SH3KBP1: variants seen among roughly 807,000 people sequenced by gnomAD.
SH3KBP1 encodes SH3 domain containing kinase binding protein 1, also known as SH3 domain-containing kinase-binding protein 1.
A neutral mutation model predicts 50.1 loss-of-function variants in SH3KBP1; 8 were observed. The observed-to-expected ratio is 0.16, with a 90% CI of 0.09 to 0.29. The LOEUF (loss-of-function observed/expected upper bound fraction) is 0.29, where lower values mean the gene tolerates loss of function less well. SH3KBP1 is among the 10% of genes least tolerant of loss of function. SH3KBP1 has a pLI of 1.00. For synonymous variants in SH3KBP1, 227 were observed against 218.6 expected, an observed-to-expected ratio of 1.04 and a Z score of -0.34; for missense variants, 377 against 535.2, an observed-to-expected ratio of 0.70 and a Z score of 2.92.
chrX:19,879,478 C>T (rs1048441244), intron 1 of SH3KBP1, among the ~76,000 whole-genome samples: 1 of 111,467 alleles, frequency 9.0e-6, no homozygotes, highest in Non-Finnish European at 1.9e-5. Flanking sequence ...CCTTCCAGCA[C>T]TTCAATGCCA....
intron 14 of SH3KBP1, among the ~76,000 whole-genome samples, chrX:19,547,165 A>G (rs2065110502): frequency 9.0e-6 from 1 of 110,517 alleles, no homozygotes; most frequent in Non-Finnish European, 1.9e-5. Context: ...GAAAAAAAAA[A>G]AAAATTCTGG....
At chrX:19,557,835 G>T (rs2065539206) in intron 13 of SH3KBP1, among the ~76,000 whole-genome samples, 1 of 111,888 alleles carries the variant, frequency 8.9e-6, no homozygotes, top group African/African-American at 3.3e-5. Flanking sequence ...ACCCACTGAG[G>T]GAGACAGGCT....
intron 12 of SH3KBP1, among the ~76,000 whole-genome samples, chrX:19,578,658 C>T (rs1351010476): frequency 8.9e-6 from 1 of 111,827 alleles, no homozygotes; most frequent in African/African-American, 3.3e-5. Flanking sequence ...AGTGAGCATC[C>T]GTGTGCACAG....
At chrX:19,863,650 C>T (rs1470545584) in intron 1 of SH3KBP1, among the ~76,000 whole-genome samples, 1 of 111,598 alleles carries the variant, frequency 9.0e-6, no homozygotes, top group Non-Finnish European at 1.9e-5. Flanking sequence ...CCTCCTGGGA[C>T]GGGGTCCCCA....
Position 19,701,803 on chromosome X carries a change from A to C in SH3KBP1, c.390+5078T>G, listed in dbSNP as rs1462119230. Among the ~76,000 whole-genome samples the C allele has an allele frequency of 5.3e-5, 6 of 112,381 alleles. No individual in the cohort carries two copies. In the Admixed American group the frequency reaches 5.6e-4, roughly 11 times the overall value. On this transcript the variant is annotated intron_variant, in intron 4 of 17. Coordinates refer to ENST00000397821, the MANE Select transcript of SH3KBP1 (RefSeq NM_031892.3). ...CAGGTTCTGTTCAATCAATCCCCAA[A>C]TCTCAATAAACACAGTTTCTCTCAG...
At chrX:19,608,897 C>T (rs1048530726) in intron 8 of SH3KBP1, among the ~76,000 whole-genome samples, 25 of 112,519 alleles carry the variant, frequency 2.2e-4, no homozygotes, top group African/African-American at 7.7e-4. Flanking sequence ...CTCCACTTTA[C>T]AGGATGCAAT....
At chrX:19,536,907 A>T (rs2064726110) in intron 17 of SH3KBP1, among the ~76,000 whole-genome samples, 1 of 111,917 alleles carries the variant, frequency 8.9e-6, no homozygotes, top group Non-Finnish European at 1.9e-5. Context: ...CGCCAACTGG[A>T]TGAAAGCTGA....
chrX:19,592,632 C>T (rs1235630169), intron 10 of SH3KBP1, among the ~76,000 whole-genome samples: 1 of 111,943 alleles, frequency 8.9e-6, no homozygotes, highest in Admixed American at 9.5e-5. Flanking sequence ...GGTCTACATC[C>T]CCTTGCCAGG....
chrX:19,707,033 A>G (rs1255490625), intron 3 of SH3KBP1, 49 bp from the exon 4 acceptor site: 7 of 1,021,806 alleles, frequency 6.9e-6, no homozygotes, highest in Non-Finnish European at 9.7e-6. Flanking sequence ...TCCCCAAATC[A>G]GATTTTAAAG....
intron 14 of SH3KBP1, among the ~76,000 whole-genome samples, chrX:19,546,909 G>A (rs1011906102): frequency 4.5e-5 from 5 of 111,378 alleles, no homozygotes; most frequent in Admixed American, 9.6e-5. Context: ...ATCCCAACAC[G>A]GGGATTATGA....
intron 13 of SH3KBP1, among the ~76,000 whole-genome samples, chrX:19,552,006 C>T (rs2065256977): frequency 8.9e-6 from 1 of 112,172 alleles, no homozygotes; most frequent in South Asian, 3.7e-4. Flanking sequence ...CTTACCACAT[C>T]AAGACAAGCA....
At chrX:19,847,534 C>A (rs1423598552) in intron 1 of SH3KBP1, among the ~76,000 whole-genome samples, 2 of 112,029 alleles carry the variant, frequency 1.8e-5, no homozygotes, top group African/African-American at 6.5e-5. Flanking sequence ...CTCTTCAAAG[C>A]AGTCTAGAAT....
intron 17 of SH3KBP1, among the ~76,000 whole-genome samples, chrX:19,537,463 GAA>G (rs367732402): frequency 3.0e-5 from 2 of 66,767 alleles, no homozygotes; most frequent in African/African-American, 4.7e-5. Context: ...GTCTCAAAAA[GAA>G]AAAAAAAAAA....
At chrX:19,721,454 G>C (rs199741160) in intron 3 of SH3KBP1, among the ~76,000 whole-genome samples, 1 of 111,812 alleles carries the variant, frequency 8.9e-6, no homozygotes, top group African/African-American at 3.3e-5. Flanking sequence ...ACTCACCCCT[G>C]CTTCAAAATT....
At chrX:19,811,946 C>T (rs1430789081) in intron 2 of SH3KBP1, among the ~76,000 whole-genome samples, 1 of 111,774 alleles carries the variant, frequency 8.9e-6, no homozygotes, top group Admixed American at 9.4e-5. Context: ...TCCCCCACAC[C>T]TCCTGGGAAC....
chrX:19,860,127 G>A (rs1360256954), intron 1 of SH3KBP1, among the ~76,000 whole-genome samples: 2 of 109,766 alleles, frequency 1.8e-5, no homozygotes, highest in Non-Finnish European at 3.8e-5. Flanking sequence ...GAACAGGCCA[G>A]GCACAGTGGC....
At chrX:19,736,110 C>T (rs943930375) in intron 3 of SH3KBP1, among the ~76,000 whole-genome samples, 5 of 111,524 alleles carry the variant, frequency 4.5e-5, no homozygotes, top group Non-Finnish European at 9.4e-5. Flanking sequence ...CATGAAAACA[C>T]GTTTTATTAT....
chrX:19,776,006 C>T lies in SH3KBP1; in HGVS notation c.163-29565G>A, dbSNP rs183386133. On this transcript the variant is annotated intron_variant, in intron 2 of 17. Coordinates refer to ENST00000397821, the MANE Select transcript of SH3KBP1 (RefSeq NM_031892.3). ...GATGTTGTCCTCATCCCATGGTGTC[C>T]GCAGGGAGCTCGCCTGATATTTAGC... 2.5e-3 allele frequency among the ~76,000 whole-genome samples: 279 copies of T among 111,112 alleles called. 2 individuals carry two copies. The highest frequency in any genetic ancestry group is 8.6e-3 in the African/African-American group (264 of 30,536).
chrX:19,626,416 G>A (rs868050167), intron 8 of SH3KBP1, among the ~76,000 whole-genome samples: 2 of 105,480 alleles, frequency 1.9e-5, no homozygotes, highest in African/African-American at 7.0e-5. Flanking sequence ...GAATGAATGA[G>A]TGAACGAACA....
Sources: allele counts gnomAD v4.1 joint callset (sites outside exome capture counted in the v4.1 genomes callset), GRCh38; gene constraint gnomAD v4.1.1; transcripts MANE v1.5; gene names NCBI Gene and HGNC (gene_info 2026-07-23, HGNC 2026-07-21).